Variants in RELN observed in about 807,000 individuals in gnomAD.
The protein encoded by RELN is reelin.
A neutral mutation model predicts 427.6 loss-of-function variants in RELN; 108 were observed. The observed-to-expected ratio is 0.25, with a 90% CI of 0.22 to 0.30. The LOEUF (loss-of-function observed/expected upper bound fraction) is 0.30, where lower values mean the gene tolerates loss of function less well. RELN is among the 10% of genes least tolerant of loss of function. The probability of loss-of-function intolerance (pLI) is 1.00; values close to 1 mark genes in which losing one functional copy is unlikely to be tolerated. For synonymous variants in RELN, 1,524 were observed against 1,513.4 expected, an observed-to-expected ratio of 1.01 and a Z score of -0.16; for missense variants, 3,715 against 4,302.8, an observed-to-expected ratio of 0.86 and a Z score of 3.82.
At chr7:103,901,162 G>A (rs1795076086) in intron 2 of RELN, among the ~76,000 whole-genome samples, 1 of 151,924 alleles carries the variant, frequency 6.6e-6, no homozygotes, top group Admixed American at 6.6e-5. Context: ...TATACTCAGT[G>A]TCATTAATCA....
At chr7:103,596,983 A>G (rs1831552464) in intron 24 of RELN, among the ~76,000 whole-genome samples, 1 of 152,122 alleles carries the variant, frequency 6.6e-6, no homozygotes, top group Non-Finnish European at 1.5e-5. Context: ...TACTTTGCAT[A>G]TTTCCTCTAG....
chr7:103,629,799 A>G, intron 20 of RELN, 141 bp downstream of exon 20: 1 of 719,890 alleles, frequency 1.4e-6, no homozygotes, highest in Non-Finnish European at 2.5e-6. Context: ...AACAACCTGA[A>G]AACAGTAGTT....
chr7:103,558,538 C>T (rs1047797178), intron 36 of RELN, among the ~76,000 whole-genome samples: 2 of 152,152 alleles, frequency 1.3e-5, no homozygotes, highest in African/African-American at 4.8e-5. Context: ...CAGGCTGACA[C>T]AACAACATCC....
chr7:103,601,018 C>T (rs2159677), intron 24 of RELN, among the ~76,000 whole-genome samples: 106,356 of 152,064 alleles, frequency 0.7, 37,921 homozygotes, highest in African/African-American at 0.82. Flanking sequence ...TGTGAACCAA[C>T]CAATAAATTT....
intron 64 of RELN, among the ~76,000 whole-genome samples, chr7:103,473,836 A>C (rs1827940235): frequency 6.6e-6 from 1 of 152,158 alleles, no homozygotes. Flanking sequence ...TGGCATCAAT[A>C]TGTGGTTTAT....
At chr7:103,728,264 C>A in intron 6 of RELN, 57 bp from the exon 7 acceptor site, 1 of 1,475,396 alleles carries the variant, frequency 6.8e-7, no homozygotes, top group Non-Finnish European at 9.5e-7. Context: ...ACGTGGTTTA[C>A]TGCTCAGGTA....
At chr7:103,905,528 C>T (rs1169937664) in intron 2 of RELN, among the ~76,000 whole-genome samples, 2 of 151,978 alleles carry the variant, frequency 1.3e-5, no homozygotes, top group Admixed American at 6.6e-5. Flanking sequence ...CCTCCCCACC[C>T]GCCACCCCAC....
At chr7:103,575,806 T>C in intron 28 of RELN, 101 bp from the exon 29 acceptor site, 1 of 1,299,818 alleles carries the variant, frequency 7.7e-7, no homozygotes, top group Non-Finnish European at 1.1e-6. Flanking sequence ...ACTTAATATT[T>C]ATTTGAAAGT....
chr7:103,872,409 C>T (rs1377902572), intron 2 of RELN, among the ~76,000 whole-genome samples: 2 of 139,424 alleles, frequency 1.4e-5, no homozygotes, highest in Non-Finnish European at 3.1e-5. Flanking sequence ...TTTCTTATGG[C>T]TGCATAGTAT....
At chr7:103,840,842 A>G (rs1052380024) in intron 2 of RELN, among the ~76,000 whole-genome samples, 2 of 152,208 alleles carry the variant, frequency 1.3e-5, no homozygotes, top group South Asian at 2.1e-4. Flanking sequence ...AATAGGATCC[A>G]TATTGAATTT....
At chr7:103,660,705 G>A (rs6978693) in intron 12 of RELN, among the ~76,000 whole-genome samples, 4,051 of 152,192 alleles carry the variant, frequency 0.027, 199 homozygotes, top group African/African-American at 0.093. Context: ...CAACAAAGAA[G>A]GCATGTGACA....
chr7:103,585,984 G>A (rs1305683648), intron 28 of RELN, among the ~76,000 whole-genome samples: 1 of 152,110 alleles, frequency 6.6e-6, no homozygotes, highest in East Asian at 1.9e-4. Flanking sequence ...CGCAGAAAGA[G>A]CATTAGATAA....
At chr7:103,481,142 T>G (rs144644678) in intron 63 of RELN, among the ~76,000 whole-genome samples, 31 of 152,308 alleles carry the variant, frequency 2.0e-4, no homozygotes, top group African/African-American at 7.5e-4. Flanking sequence ...CTGGCTGGTA[T>G]ATTGGTGCCT....
intron 2 of RELN, among the ~76,000 whole-genome samples, chr7:103,902,746 A>C (rs939088956): frequency 6.6e-6 from 1 of 152,130 alleles, no homozygotes; most frequent in East Asian, 1.9e-4. Flanking sequence ...GGTTGAAAAC[A>C]AACTACAAAA....
chr7:103,808,107 T>C (rs1217332780), intron 3 of RELN, among the ~76,000 whole-genome samples: 1 of 152,144 alleles, frequency 6.6e-6, no homozygotes, highest in East Asian at 1.9e-4. Flanking sequence ...GTTTAAAAGA[T>C]TCTGGCCTAA....
chr7:103,755,809 C>T (rs1438788829), intron 4 of RELN, among the ~76,000 whole-genome samples: 1 of 33,070 alleles, frequency 3.0e-5, no homozygotes, highest in African/African-American at 1.9e-4. Context: ...TGAGACTCCA[C>T]CTCAAGAAAA....
chr7:103,542,700 G>GT lies in RELN; in HGVS notation c.6671+30dup, dbSNP rs150971291. ...TTCTGCTATTATACATTACGATGTG[G>GT]TTTTTTTCAACAGCATCTAAAAATG... On this transcript the variant is annotated intron_variant, in intron 43 of 64. Transcript: ENST00000428762. 8.1e-3 allele frequency: 13,103 copies of GT among 1,611,704 alleles called. 71 individuals are homozygous for GT. The highest frequency in any genetic ancestry group is 9.6e-3 in the Non-Finnish European group (11,344 of 1,178,162).
rs151289545 is a variant in RELN, at chr7:103,531,164, C to A, written c.7349+4152G>T. ...TGACAATGTTCTCAACACTTCCATG[C>A]ACATTTATGAGATTTTCATATGGTG... On this transcript the variant is annotated intron_variant, in intron 46 of 64. Transcript: ENST00000428762. Among the ~76,000 whole-genome samples the A allele has an allele frequency of 3.3e-5, 5 of 152,282 alleles. No homozygotes were observed. In the East Asian group the frequency reaches 9.7e-4, roughly 29 times the overall value.
intron 2 of RELN, among the ~76,000 whole-genome samples, chr7:103,867,420 T>C (rs1794226468): frequency 6.6e-6 from 1 of 151,958 alleles, no homozygotes; most frequent in African/African-American, 2.4e-5. Context: ...CATAAAAATA[T>C]GAAGTCATAG....
Sources: gnomAD v4.1 joint callset for allele counts (sites outside exome capture counted in the v4.1 genomes callset) on GRCh38, gnomAD v4.1.1 for gene constraint, MANE v1.5 for transcripts, NCBI Gene and HGNC (gene_info 2026-07-23, HGNC 2026-07-21) for gene names.